MCM3: variants seen among roughly 807,000 people sequenced by gnomAD.
MCM3 encodes DNA replication licensing factor MCM3.
Under a neutral mutation model 91.3 loss-of-function variants are expected in MCM3, and 59 were observed. That is an observed-to-expected ratio of 0.65 (90% CI 0.52 to 0.80). MCM3 has a LOEUF of 0.80. Ranked by LOEUF, MCM3 falls within the 30% of genes least tolerant of loss-of-function variation. MCM3 has a pLI of 0.00. For missense variants in MCM3, 919 were observed against 1,035.4 expected (o/e 0.89, Z 1.54); for synonymous variants, 383 against 379.6 (o/e 1.01, Z -0.10).
chr6:52,266,782 G>T, intron 14 of MCM3, 86 bp from the exon 15 acceptor site: 1 of 1,010,216 alleles, frequency 9.9e-7, no homozygotes, highest in Non-Finnish European at 1.6e-6. Flanking sequence ...TAACTACGGA[G>T]AAAAGGAAAC....
At chr6:52,281,242 A>G (rs940247861) in intron 4 of MCM3, among the ~76,000 whole-genome samples, 23 of 152,276 alleles carry the variant, frequency 1.5e-4, no homozygotes, top group Admixed American at 6.5e-5. Context: ...TAAAGATTAC[A>G]TAACAGTCTA....
intron 8 of MCM3, 78 bp downstream of exon 8, chr6:52,276,989 G>A: frequency 6.5e-7 from 1 of 1,529,934 alleles, no homozygotes; most frequent in South Asian, 1.2e-5. Context: ...TGTATCTTCA[G>A]AACACAAGCC....
intron 16 of MCM3, chr6:52,265,418 A>C (rs2128273193): frequency 4.5e-6 from 1 of 223,698 alleles, no homozygotes; most frequent in East Asian, 1.4e-4. Flanking sequence ...ACTGTAAAAA[A>C]GTAAAAAATA....
At position 52,272,289 on chromosome 6, in the gene MCM3, C is replaced by A. The variant is rs752778884; in HGVS notation, c.1827+12G>T. ...TAAGGGACCCCAAGCCTAGGCTCCC[C>A]CAGGCACTCACCCTGGCGGTGTCTG... On this transcript the variant is annotated intron_variant, in intron 12 of 16. Coordinates refer to ENST00000596288, the MANE Select transcript of MCM3 (RefSeq NM_002388.6). The A allele has an allele frequency of 1.9e-6, 3 of 1,613,270 alleles. No homozygotes were observed. The highest frequency in any genetic ancestry group is 2.2e-5 in the South Asian group (2 of 91,006).
chr6:52,279,266 T>TATA (rs1765850441), intron 5 of MCM3, 95 bp downstream of exon 5: 15 of 1,049,910 alleles, frequency 1.4e-5, no homozygotes, highest in Non-Finnish European at 2.1e-5. Flanking sequence ...ACCTATCAGA[T>TATA]ATAACTCTCT....
At position 52,282,125 on chromosome 6, in the gene MCM3, T is replaced by G; in HGVS notation, c.451A>C (p.Thr151Pro). The change falls in exon 4 of 17, where the codon ACT (threonine) becomes CCT (proline). Residue 151 changes from threonine (T) to proline (P), a missense_variant. Thr to Pro is a conservative substitution (Grantham distance 38). Transcript: ENST00000596288. ...VVRSVHYCPA[T>P]KKTIERRYSD... is the part of the protein sequence containing the mutation. ...TAACGTCGCTCTATGGTCTTCTTAG[T>G]AGCAGGACAGTAGTGGACACTGCGG... 1 of 1,614,036 alleles carries G rather than the reference T, an allele frequency of 6.2e-7. No homozygotes were observed. Among genetic ancestry groups the G allele is most frequent in the Non-Finnish European group, 8.5e-7 (1 of 1,179,914 alleles).
rs764283645 is a variant in MCM3 at position 52,272,302 on chromosome 6, C to T, written c.1826G>A (p.Arg609Lys). Residue 609 changes from arginine (R) to lysine (K), a missense_variant and splice_region_variant, in exon 12 of 17, where the codon AGG (arginine) becomes AAG (lysine). Arg to Lys is a conservative substitution (Grantham distance 26). Transcript: ENST00000596288. The part of the protein sequence containing the change: ...SQDSMSSDTA[R>K]TSPVTARTLE... ...GCCTAGGCTCCCCCAGGCACTCACCCTGGCGGTGTCTGAGCTCATGCTATC... is the reference window on the plus strand; with the variant it reads ...GCCTAGGCTCCCCCAGGCACTCACCTTGGCGGTGTCTGAGCTCATGCTATC... The T allele has an allele frequency of 1.2e-6, 2 of 1,614,036 alleles. No individual in the cohort carries two copies. Among genetic ancestry groups the T allele is most frequent in the East Asian group, 2.2e-5 (1 of 44,888 alleles).
chr6:52,267,873 C>T lies in MCM3; in HGVS notation c.2064G>A (p.Lys688=), dbSNP rs1285341764. ...EEKSQEDQEQ[K]RKRRKTRQPD... is the part of the protein sequence containing the mutation. Reference sequence around the variant, plus strand: ...TGCTTGCCCCACCTTACCTCTTCCTCTTCTGCTCCTGGTCCTCTTGGCTTT... The same window carrying T: ...TGCTTGCCCCACCTTACCTCTTCCTTTTCTGCTCCTGGTCCTCTTGGCTTT... The change falls in exon 14 of 17, where the codon AAG becomes AAA. Residue 688 remains lysine, a synonymous_variant. Transcript: ENST00000596288. 1 of 1,150,570 alleles carries T rather than the reference C, an allele frequency of 8.7e-7. No homozygotes were observed. Among genetic ancestry groups the T allele is most frequent in the East Asian group, 2.5e-5 (1 of 40,270 alleles). The allele number at this position is 1,150,570 out of a possible 1,614,324, so 71.3% of individuals were successfully genotyped here.
intron 6 of MCM3, among the ~76,000 whole-genome samples, 185 bp downstream of exon 6, chr6:52,278,557 T>G (rs1359156900): frequency 6.6e-6 from 1 of 152,144 alleles, no homozygotes; most frequent in African/African-American, 2.4e-5. Context: ...AATTGTTTAA[T>G]AACAACAGAA....
At chr6:52,283,209 TC>T (rs1464877200) in intron 2 of MCM3, 84 bp downstream of exon 2, 7 of 1,073,498 alleles carry the variant, frequency 6.5e-6, no homozygotes, top group Non-Finnish European at 8.7e-6. Flanking sequence ...TTCATACAAG[TC>T]CTCTCCTGAG....
At position 52,269,126 on chromosome 6, in the gene MCM3, T is replaced by C; in HGVS notation, c.1928A>G (p.Glu643Gly). The C allele has an allele frequency of 1.2e-6, 2 of 1,614,106 alleles. No homozygotes were observed. Among genetic ancestry groups the C allele is most frequent in the Non-Finnish European group, 1.7e-6 (2 of 1,179,938 alleles). ...ATACTGGACCAACTCCACAGCTTCC[T>C]CTGCATCCTGCAGGTCCACAGTCTT... The part of the protein sequence containing the change: ...MSKTVDLQDA[E>G]EAVELVQYAY... The change falls in exon 13 of 17, where the codon GAG becomes GGG. Residue 643 changes from glutamate to glycine, a missense_variant. By Grantham distance (98) the Glu-to-Gly change is moderately conservative. Around this residue, in one of 3 missense-constraint regions of MCM3, gnomAD observed 285 missense variants for 311.4 expected, o/e 0.92. Coordinates refer to ENST00000596288, the MANE Select transcript of MCM3 (RefSeq NM_002388.6).
At position 52,277,596 on chromosome 6, in the gene MCM3, C is replaced by G; in HGVS notation, c.972G>C (p.Gly324=). 1.2e-6 allele frequency: 2 copies of G among 1,614,018 alleles called. No homozygotes were observed. The highest frequency in any genetic ancestry group is 1.7e-6 in the Non-Finnish European group (2 of 1,179,988). Residue 324 remains glycine (G), a synonymous_variant, in exon 7 of 17, where the codon GGG becomes GGC. Transcript: ENST00000596288. ...TGCCATTTTCTAGGTCTCGTTCCAC[C>G]CCTCCCAAGAGCAAGCAGAGGATTG... is the stretch of plus-strand genomic sequence containing the variant. ...KKAILCLLLG[G]VERDLENGSH... is the part of the protein sequence containing the mutation.
rs780447747 is a variant in MCM3 at position 52,266,593 on chromosome 6, G to GT, written c.2158+17dup. Reference sequence around the variant, plus strand: ...GTCACAGGAACAACCTCTTTCATCAGTAAGTGGGCTCACTCACCTTGAGGC... The same window carrying GT: ...GTCACAGGAACAACCTCTTTCATCAGTTAAGTGGGCTCACTCACCTTGAGGC... On this transcript the variant is annotated intron_variant, in intron 15 of 16. Coordinates refer to ENST00000596288, the MANE Select transcript of MCM3 (RefSeq NM_002388.6). 4.4e-6 allele frequency: 7 copies of GT among 1,608,672 alleles called. No homozygotes were observed. Among genetic ancestry groups the GT allele is most frequent in the Non-Finnish European group, 6.0e-6 (7 of 1,175,098 alleles).
intron 13 of MCM3, among the ~76,000 whole-genome samples, chr6:52,268,347 C>A (rs960330390): frequency 6.6e-6 from 1 of 152,186 alleles, no homozygotes; most frequent in Non-Finnish European, 1.5e-5. Context: ...ATCAGACTCA[C>A]AACTCAACCC....
At position 52,264,803 on chromosome 6, in the gene MCM3, A is replaced by G. The variant is rs758871782; in HGVS notation, c.2229-17T>C. On this transcript the variant is annotated splice_polypyrimidine_tract_variant and intron_variant, in intron 16 of 16. Transcript: ENST00000596288. ...GCCTTCAACCTGCCCCAGACAGAAG[A>G]AAGGGGGAAGAGGAGTAAACAAACC... is the stretch of plus-strand genomic sequence containing the variant. 1 of 1,610,652 alleles carries G rather than the reference A, an allele frequency of 6.2e-7. No individual in the cohort carries two copies. The highest frequency in any genetic ancestry group is 8.5e-7 in the Non-Finnish European group (1 of 1,179,184).
chr6:52,284,691 C>G lies in MCM3; in HGVS notation c.-17G>C, dbSNP rs777550311. The G allele has an allele frequency of 6.2e-7, 1 of 1,603,434 alleles. No homozygotes were observed. Among genetic ancestry groups the G allele is most frequent in the Non-Finnish European group, 8.5e-7 (1 of 1,175,964 alleles). On this transcript the variant is annotated 5_prime_UTR_variant, in exon 1 of 17. Coordinates refer to ENST00000596288, the MANE Select transcript of MCM3 (RefSeq NM_002388.6). ...ACCCGCCATGCCCGCTGCCAAAGAA[C>G]TACCTCCACCAAAGTCGCGTGGAGG...
Position 52,272,304 on chromosome 6 carries a change from G to C in MCM3, c.1824C>G (p.Ala608=). 6.2e-7 allele frequency: 1 copy of C among 1,614,040 alleles called. No individual in the cohort carries two copies. The highest frequency in any genetic ancestry group is 1.1e-5 in the South Asian group (1 of 91,072). Residue 608 remains alanine (A), a synonymous_variant, in exon 12 of 17, where the codon GCC becomes GCG. Coordinates refer to ENST00000596288, the MANE Select transcript of MCM3 (RefSeq NM_002388.6). ...CTAGGCTCCCCCAGGCACTCACCCT[G>C]GCGGTGTCTGAGCTCATGCTATCCT... ...RSQDSMSSDT[A]RTSPVTARTL...
At chr6:52,284,542 G>A (rs1766471658) in intron 1 of MCM3, 55 bp downstream of exon 1, 17 of 1,517,038 alleles carry the variant, frequency 1.1e-5, no homozygotes, top group Non-Finnish European at 1.5e-5. Flanking sequence ...TCCCGGCCGG[G>A]CCGCGTCCGC....
chr6:52,281,977 T>A, intron 4 of MCM3, 68 bp downstream of exon 4: 3 of 1,529,228 alleles, frequency 2.0e-6, no homozygotes, highest in Non-Finnish European at 2.7e-6. Flanking sequence ...ATTACACAAT[T>A]CCTTGCCTTA....
Sources: gnomAD v4.1 joint callset for allele counts (sites outside exome capture counted in the v4.1 genomes callset) on GRCh38, gnomAD v4.1.1 for gene constraint, gnomAD v4.1.1 regional missense constraint, MANE v1.5 for transcripts, NCBI Gene and HGNC (gene_info 2026-07-23, HGNC 2026-07-21) for gene names.